Variants in PLPP1 observed in about 807,000 individuals in gnomAD.
PLPP1 encodes the protein phospholipid phosphatase 1, also known as lipid phosphate phosphohydrolase 1a.
Under a neutral mutation model 31.2 loss-of-function variants are expected in PLPP1, and 24 were observed. That is an observed-to-expected ratio of 0.77 (90% CI 0.56 to 1.08). The LOEUF (loss-of-function observed/expected upper bound fraction) is 1.08. Ranked by LOEUF, PLPP1 falls within the 50% of genes least tolerant of loss-of-function variation. The pLI is 0.00. For synonymous variants in PLPP1, 146 were observed against 126.3 expected (o/e 1.16, Z -1.05); for missense variants, 319 against 342.7 (o/e 0.93, Z 0.55).
At chr5:55,468,190 C>T (rs1752345594) in intron 2 of PLPP1, 41 bp from the exon 3 acceptor site, 3 of 1,487,266 alleles carry the variant, frequency 2.0e-6, no homozygotes, top group Admixed American at 4.3e-5. Flanking sequence ...AAGTAGCAAG[C>T]AGGCACTTTA....
At chr5:55,427,798 G>A (rs1751245500) in intron 4 of PLPP1, among the ~76,000 whole-genome samples, 1 of 151,296 alleles carries the variant, frequency 6.6e-6, no homozygotes, top group Non-Finnish European at 1.5e-5. Context: ...GTGGGAGGGG[G>A]AAGCAGGGAA....
At chr5:55,501,104 G>C (rs1234084814) in intron 1 of PLPP1, among the ~76,000 whole-genome samples, 1 of 152,166 alleles carries the variant, frequency 6.6e-6, no homozygotes, top group Non-Finnish European at 1.5e-5. Context: ...CACAACGTCA[G>C]GAGTTTGAGA....
chr5:55,480,356 G>A (rs887096137), intron 1 of PLPP1, among the ~76,000 whole-genome samples: 1 of 150,388 alleles, frequency 6.6e-6, no homozygotes, highest in African/African-American at 2.5e-5. Context: ...AATGGTTTTG[G>A]TAAATTTATA....
At chr5:55,530,546 A>G (rs554794263) in intron 1 of PLPP1, 2 of 1,235,022 alleles carry the variant, frequency 1.6e-6, no homozygotes, top group Non-Finnish European at 2.4e-6. Flanking sequence ...TTGGAATGAT[A>G]GAAGAAACAT....
In PLPP1 at chr5:55,534,908, C is replaced by A; in HGVS notation, c.-279G>T. ...GGCAGCTCTGTAGCCTCAGGACCTC[C>A]TCAGCCGGCACGGCCTGCCCCGGTT... On this transcript the variant is annotated 5_prime_UTR_variant, in exon 1 of 6. In the 5' UTR this introduces an upstream ATG that the reference lacks. Transcript: ENST00000307259. 2.2e-6 allele frequency: 1 copy of A among 446,416 alleles called. No individual in the cohort carries two copies. The highest frequency in any genetic ancestry group is 4.0e-6 in the Non-Finnish European group (1 of 251,540). 27.7% of individuals were successfully genotyped at this position (446,416 alleles called of 1,614,324 possible).
At chr5:55,439,066 G>A (rs950376629) in intron 4 of PLPP1, among the ~76,000 whole-genome samples, 4 of 152,102 alleles carry the variant, frequency 2.6e-5, no homozygotes, top group African/African-American at 9.7e-5. Context: ...CTCCAGAAAG[G>A]TCTTGGTCTA....
chr5:55,425,009 TTAA>T lies in PLPP1; in HGVS notation c.*194_*196del, dbSNP rs1453419420. ...TTTTGGTGGAAGGCTTGGAGTTTTT[TTAA>T]TGAGTTTAGAGCTATTAGATAACCA... On this transcript the variant is annotated 3_prime_UTR_variant, in exon 6 of 6. Transcript: ENST00000307259. 1.3e-6 allele frequency: 1 copy of T among 775,310 alleles called. No homozygotes were observed. The highest frequency in any genetic ancestry group is 2.0e-6 in the Non-Finnish European group (1 of 496,030). The allele number at this position is 775,310 out of a possible 1,614,324, so 48.0% of individuals were successfully genotyped here. A position where few individuals can be genotyped will look rare whatever the true frequency, so the allele number is the denominator to read the frequency against.
intron 3 of PLPP1, among the ~76,000 whole-genome samples, chr5:55,458,462 AC>A (rs1379485981): frequency 1.2e-4 from 19 of 152,220 alleles, no homozygotes; most frequent in African/African-American, 4.6e-4. Context: ...GTATATTGTA[AC>A]CCCTAGAGAA....
At chr5:55,473,483 T>C (rs1261541556) in intron 2 of PLPP1, among the ~76,000 whole-genome samples, 1 of 152,170 alleles carries the variant, frequency 6.6e-6, no homozygotes, top group Non-Finnish European at 1.5e-5. Flanking sequence ...AAATTACAAG[T>C]TAACTTTCAA....
In PLPP1 at chr5:55,519,205, C is replaced by T. The variant is rs141454593; in HGVS notation, c.58+15367G>A. Among the ~76,000 whole-genome samples the T allele has an allele frequency of 1.3e-3, 196 of 152,246 alleles. 2 individuals are homozygous for T. In the Middle Eastern group the frequency reaches 0.024, roughly 18 times the overall value. ...TATCCACACTAGCCATAAAGTTGAA[C>T]ATTATCCATAACCTGCCTAACAAGT... On this transcript the variant is annotated intron_variant, in intron 1 of 5. Transcript: ENST00000307259.
intron 1 of PLPP1, chr5:55,491,171 A>T: frequency 6.4e-7 from 1 of 1,556,516 alleles, no homozygotes; most frequent in Non-Finnish European, 8.7e-7. Flanking sequence ...CTTCATTAGG[A>T]AGTAAAGTCT....
intron 3 of PLPP1, among the ~76,000 whole-genome samples, chr5:55,460,922 A>T (rs2111767665): frequency 6.6e-6 from 1 of 152,322 alleles, no homozygotes; most frequent in Admixed American, 6.5e-5. Flanking sequence ...GTGGTGGCTC[A>T]TGCCTGCAGT....
intron 1 of PLPP1, among the ~76,000 whole-genome samples, chr5:55,507,194 A>G (rs1265710474): frequency 4.6e-5 from 7 of 152,222 alleles, no homozygotes; most frequent in African/African-American, 1.7e-4. Flanking sequence ...GCCAGATAAG[A>G]CAGCTTGTTT....
intron 1 of PLPP1, among the ~76,000 whole-genome samples, chr5:55,511,317 T>C (rs180998934): frequency 7.1e-4 from 108 of 152,290 alleles, no homozygotes; most frequent in African/African-American, 2.5e-3. Context: ...CACAGCATAA[T>C]AGCACAATTG....
At chr5:55,461,089 G>A (rs1012149223) in intron 3 of PLPP1, among the ~76,000 whole-genome samples, 4 of 152,062 alleles carry the variant, frequency 2.6e-5, no homozygotes, top group African/African-American at 9.7e-5. Context: ...TCAGCTACTT[G>A]GGAAGCTAAG....
chr5:55,440,414 T>A (rs1171417032), intron 4 of PLPP1, among the ~76,000 whole-genome samples: 2 of 152,128 alleles, frequency 1.3e-5, no homozygotes, highest in Non-Finnish European at 2.9e-5. Context: ...AAGAAAAAAA[T>A]ATGTTGTCTC....
In PLPP1 at chr5:55,515,776, T is replaced by C. The variant is rs1327987723; in HGVS notation, c.58+18796A>G. Among the ~76,000 whole-genome samples the C allele has an allele frequency of 2.0e-5, 3 of 152,306 alleles. No homozygotes were observed. In the East Asian group the frequency reaches 5.8e-4, roughly 29 times the overall value. On this transcript the variant is annotated intron_variant, in intron 1 of 5. Transcript: ENST00000307259. Reference sequence around the variant, plus strand: ...CTCCAACCAATCTGAAAAGTCAGTGTTTCTCAAAGCTCAGTATAAAGTCTT... The same window carrying C: ...CTCCAACCAATCTGAAAAGTCAGTGCTTCTCAAAGCTCAGTATAAAGTCTT...
intron 4 of PLPP1, among the ~76,000 whole-genome samples, chr5:55,435,057 A>G (rs1751460780): frequency 6.6e-6 from 1 of 152,236 alleles, no homozygotes; most frequent in African/African-American, 2.4e-5. Context: ...GTAGAAAACC[A>G]AATACTCCCA....
intron 3 of PLPP1, among the ~76,000 whole-genome samples, chr5:55,453,429 A>G (rs1751935994): frequency 6.6e-6 from 1 of 152,146 alleles, no homozygotes; most frequent in Admixed American, 6.5e-5. Flanking sequence ...CTCTCTTGTC[A>G]TTCTTTTGTC....
Sources: allele counts gnomAD v4.1 joint callset (sites outside exome capture counted in the v4.1 genomes callset), GRCh38; gene constraint gnomAD v4.1.1; transcripts MANE v1.5; gene names NCBI Gene and HGNC (gene_info 2026-07-23, HGNC 2026-07-21).